The following TSFM variants were observed in gnomAD, a reference collection of about 807,000 sequenced individuals.
TSFM encodes the protein Ts translation elongation factor, mitochondrial, also known as elongation factor Ts, mitochondrial.
Under a neutral mutation model 33.4 loss-of-function variants are expected in TSFM, and 29 were observed. The observed-to-expected ratio is 0.87, with a 90% CI of 0.65 to 1.18. The LOEUF is 1.18. Among genes scored for constraint, TSFM ranks in the 50% most tolerant of loss-of-function variants. TSFM has a pLI of 0.00. For synonymous variants in TSFM, 178 were observed against 163.5 expected (o/e 1.09, Z -0.68); for missense variants, 394 against 395.6 (o/e 1.00, Z 0.04).
chr12:57,783,587 G>T, intron 2 of TSFM: 1 of 604,174 alleles, frequency 1.7e-6, no homozygotes. Flanking sequence ...CACACTGTCT[G>T]ACTTTAGACT....
chr12:57,786,929 G>T, intron 3 of TSFM, 111 bp from the exon 4 acceptor site: 2 of 1,224,166 alleles, frequency 1.6e-6, no homozygotes, highest in East Asian at 4.9e-5. Context: ...TTTTTTTTCC[G>T]TTGAGTCTGT....
At chr12:57,797,953 T>C, downstream of TSFM, 1 of 1,613,358 alleles carries the variant, frequency 6.2e-7, no homozygotes, top group Middle Eastern at 1.7e-4. Flanking sequence ...TGCCCTCTTG[T>C]GATGCCAAAC....
At chr12:57,796,069 A>G in intron 5 of TSFM, 108 bp from the exon 6 acceptor site, 1 of 974,344 alleles carries the variant, frequency 1.0e-6, no homozygotes, top group Non-Finnish European at 1.5e-6. Context: ...ATCCTATGTA[A>G]ATGCAAAGGG....
In TSFM at chr12:57,797,228, T is replaced by A; in HGVS notation, c.*645T>A. 2 of 985,450 alleles carry A rather than the reference T, an allele frequency of 2.0e-6. No homozygotes were observed. The highest frequency in any genetic ancestry group is 2.4e-6 in the Non-Finnish European group (2 of 829,930). 61.0% of individuals were successfully genotyped at this position (985,450 alleles called of 1,614,324 possible). On this transcript the variant is annotated 3_prime_UTR_variant, in exon 6 of 6. Transcript: ENST00000652027. ...AGCTGTAAGGCAGATTTTGACATTCTTGTGCCAGAAACAGAAATTAGAGTA... is the reference window on the plus strand; with the variant it reads ...AGCTGTAAGGCAGATTTTGACATTCATGTGCCAGAAACAGAAATTAGAGTA...
At chr12:57,795,288 C>T (rs1170063575) in intron 5 of TSFM, among the ~76,000 whole-genome samples, 4 of 150,968 alleles carry the variant, frequency 2.6e-5, no homozygotes, top group Non-Finnish European at 4.4e-5. Flanking sequence ...TTAGTAGAGA[C>T]GGGGTTTCTC....
rs760226752 is a variant in TSFM at position 57,783,132 on chromosome 12, C to T, written c.80C>T (p.Ser27Leu). 1.2e-6 allele frequency: 2 copies of T among 1,611,336 alleles called. No individual in the cohort carries two copies. Among genetic ancestry groups the T allele is most frequent in the South Asian group, 1.1e-5 (1 of 91,062 alleles). ...TAGGCTGGGTCTCTTCTGCGTCAGT[C>T]GCCCCAGCCAAGGCACACATTTTAT... Reference protein sequence around the residue: ...SYPAGSLLRQSPQPRHTFYAG... With the variant: ...SYPAGSLLRQLPQPRHTFYAG... Residue 27 changes from serine (S) to leucine (L), a missense_variant, in exon 2 of 6, where the codon TCG becomes TTG. By Grantham distance (145) the Ser-to-Leu change is moderately radical (BLOSUM62 -2). Around this residue, in one of 3 missense-constraint regions of TSFM, gnomAD observed 208 missense variants for 180.4 expected, o/e 1.15. Coordinates refer to ENST00000652027, the MANE Select transcript of TSFM (RefSeq NM_005726.6).
At chr12:57,782,993 C>G in intron 1 of TSFM, 117 bp from the exon 2 acceptor site, 1 of 1,472,682 alleles carries the variant, frequency 6.8e-7, no homozygotes, top group South Asian at 1.3e-5. Context: ...CAGTCCAGCC[C>G]CGGTGCACCC....
chr12:57,799,791 T>C, downstream of TSFM: 1 of 1,613,928 alleles, frequency 6.2e-7, no homozygotes, highest in Non-Finnish European at 8.5e-7. Context: ...CTTCAGCCAC[T>C]CACCTCCTTT....
chr12:57,784,916 C>CT (rs1164168295), intron 2 of TSFM, among the ~76,000 whole-genome samples: 4,562 of 79,162 alleles, frequency 0.058, 732 homozygotes, highest in Non-Finnish European at 0.075. Context: ...ATTGAAATAT[C>CT]TTTTTTTTTT....
At chr12:57,785,139 G>A (rs1955573980) in intron 2 of TSFM, among the ~76,000 whole-genome samples, 2 of 151,960 alleles carry the variant, frequency 1.3e-5, no homozygotes, top group Admixed American at 1.3e-4. Context: ...TGTTAGCCAG[G>A]ATGGTCTCGA....
In TSFM at chr12:57,786,772, A is replaced by T. The variant is rs185784417; in HGVS notation, c.361-268A>T. On this transcript the variant is annotated intron_variant, in intron 3 of 5. Coordinates refer to ENST00000652027, the MANE Select transcript of TSFM (RefSeq NM_005726.6). ...GTGATGATGGTGTGCAGACATAGGTAAGTGGTGAACTTGTGGTGAGTCCTT... is the reference window on the plus strand; with the variant it reads ...GTGATGATGGTGTGCAGACATAGGTTAGTGGTGAACTTGTGGTGAGTCCTT... 1.6e-4 allele frequency among the ~76,000 whole-genome samples: 25 copies of T among 152,278 alleles called. 1 individual carries two copies. Among genetic ancestry groups the T allele is most frequent in the Non-Finnish European group, 2.9e-4 (20 of 68,020 alleles).
chr12:57,786,826 A>G lies in TSFM; in HGVS notation c.361-214A>G, dbSNP rs114832047. Reference sequence around the variant, plus strand: ...GACATTATTGAACCATCTTCTGAATATACAGGCTATTGCTAACTCACTGGC... The same window carrying G: ...GACATTATTGAACCATCTTCTGAATGTACAGGCTATTGCTAACTCACTGGC... On this transcript the variant is annotated intron_variant, in intron 3 of 5. Transcript: ENST00000652027. Among the ~76,000 whole-genome samples the G allele has an allele frequency of 1.5e-3, 222 of 152,356 alleles. 1 individual carries two copies. Among genetic ancestry groups the G allele is most frequent in the African/African-American group, 5.1e-3 (210 of 41,574 alleles).
intron 2 of TSFM, among the ~76,000 whole-genome samples, chr12:57,785,254 T>C (rs1320511441): frequency 2.6e-5 from 4 of 152,142 alleles, no homozygotes; most frequent in African/African-American, 4.8e-5. Flanking sequence ...AAAAATTGTT[T>C]TGTTAAAAAC....
rs922929624 is a variant in TSFM, at chr12:57,796,624, G to T, written c.*41G>T. The T allele has an allele frequency of 7.5e-7, 1 of 1,326,124 alleles. No homozygotes were observed. Among genetic ancestry groups the T allele is most frequent in the African/African-American group, 1.5e-5 (1 of 67,612 alleles). The allele number at this position is 1,326,124 out of a possible 1,614,324, so 82.1% of individuals were successfully genotyped here. A position where few individuals can be genotyped will look rare whatever the true frequency, so the allele number is the denominator to read the frequency against. ...GGCCCAGGAGGAATATTTACTTTTA[G>T]CTCTGGACATCATTACAAAAAGGAA... On this transcript the variant is annotated 3_prime_UTR_variant, in exon 6 of 6. Coordinates refer to ENST00000652027, the MANE Select transcript of TSFM (RefSeq NM_005726.6).
At chr12:57,789,250 C>T (rs531106456) in intron 4 of TSFM, among the ~76,000 whole-genome samples, 1 of 152,000 alleles carries the variant, frequency 6.6e-6, no homozygotes, top group Non-Finnish European at 1.5e-5. Context: ...AGGCGTGAGC[C>T]ACTGCACCCG....
rs1955745238 is a variant in TSFM at position 57,796,658 on chromosome 12, A to G, written c.*75A>G. On this transcript the variant is annotated 3_prime_UTR_variant, in exon 6 of 6. Transcript: ENST00000652027. ...ATCATTACAAAAAGGAATATTTCCCAAACCTCTTCAGACCGAGAATGCATG... is the reference window on the plus strand; with the variant it reads ...ATCATTACAAAAAGGAATATTTCCCGAACCTCTTCAGACCGAGAATGCATG... The G allele has an allele frequency of 7.8e-7, 1 of 1,274,524 alleles. No homozygotes were observed. Among genetic ancestry groups the G allele is most frequent in the Non-Finnish European group, 1.0e-6 (1 of 1,002,410 alleles). The allele number at this position is 1,274,524 out of a possible 1,614,324, so 79.0% of individuals were successfully genotyped here.
In TSFM at chr12:57,786,453, C is replaced by T. The variant is rs139283674; in HGVS notation, c.360+162C>T. ...AAACCCTGGGTATTAGTTACGAATT[C>T]GTTTAAGTATAGAAATGTACTGGTG... On this transcript the variant is annotated intron_variant, in intron 3 of 5. Coordinates refer to ENST00000652027, the MANE Select transcript of TSFM (RefSeq NM_005726.6). Among the ~76,000 whole-genome samples, 334 of 152,300 alleles carry T rather than the reference C, an allele frequency of 2.2e-3. 7 individuals carry two copies. Among genetic ancestry groups the T allele is most frequent in the African/African-American group, 7.8e-3 (324 of 41,564 alleles).
chr12:57,799,027 G>A (rs1955793188), downstream of TSFM, among the ~76,000 whole-genome samples: 1 of 152,192 alleles, frequency 6.6e-6, no homozygotes. Context: ...ATATGATGGT[G>A]AGCAAGACAA....
chr12:57,801,317 A>G (rs1041383472), downstream of TSFM: 1 of 866,284 alleles, frequency 1.2e-6, no homozygotes, highest in South Asian at 1.5e-5. Flanking sequence ...CCAGGGAGTC[A>G]GAAGACATTT....
Sources: allele counts gnomAD v4.1 joint callset (sites outside exome capture counted in the v4.1 genomes callset), GRCh38; gene constraint gnomAD v4.1.1; regional missense constraint gnomAD v4.1.1; transcripts MANE v1.5; gene names NCBI Gene and HGNC (gene_info 2026-07-23, HGNC 2026-07-21).